Variants in SCAPER observed in about 807,000 individuals in gnomAD.
SCAPER encodes S-phase cyclin A associated protein in the ER.
In SCAPER, 98 loss-of-function variants were observed where a neutral mutation model predicts 182.2. That is an observed-to-expected ratio of 0.54 (90% CI 0.46 to 0.64). The LOEUF (loss-of-function observed/expected upper bound fraction) is 0.64. Ranked by LOEUF, SCAPER falls within the 30% of genes least tolerant of loss-of-function variation. The pLI is 0.00. For missense variants in SCAPER, 1,432 were observed against 1,690.0 expected (o/e 0.85, Z 2.68); for synonymous variants, 605 against 564.6 (o/e 1.07, Z -1.01).
Position 76,381,474 on chromosome 15 carries a change from A to G in SCAPER, c.3609T>C (p.Ser1203=). 1.9e-6 allele frequency: 3 copies of G among 1,613,878 alleles called. No homozygotes were observed. The Admixed American group carries it at 5.0e-5, about 27-fold the overall frequency. Residue 1203 remains serine (S), a synonymous_variant, in exon 28 of 32, where the codon AGT becomes AGC. Coordinates refer to ENST00000563290, the MANE Select transcript of SCAPER (RefSeq NM_020843.4). ...TATTTTGAGTGTAATTCTCCTTGGG[A>G]CTGGCAGTGCTGGGGTCCAAGATGG... ...HGTILDPSTA[S]PKENYTQNTI...
intron 22 of SCAPER, among the ~76,000 whole-genome samples, chr15:76,587,914 T>C (rs777986064): frequency 2.6e-5 from 4 of 151,032 alleles, no homozygotes; most frequent in African/African-American, 7.4e-5. Flanking sequence ...CTTTCTCATT[T>C]CTTTTTCTTT....
intron 5 of SCAPER, among the ~76,000 whole-genome samples, chr15:76,821,396 A>G (rs1477524116): frequency 3.3e-5 from 5 of 152,232 alleles, no homozygotes; most frequent in Admixed American, 3.3e-4. Flanking sequence ...GGGCCGAGAA[A>G]TCACTTGAGC....
At position 76,766,945 on chromosome 15, in the gene SCAPER, A is replaced by C. The variant is rs1368674014; in HGVS notation, c.1392T>G (p.Ile464Met). 1.2e-6 allele frequency: 2 copies of C among 1,604,062 alleles called. No individual in the cohort carries two copies. The highest frequency in any genetic ancestry group is 2.3e-5 in the South Asian group (2 of 88,056). Residue 464 changes from isoleucine (I) to methionine (M), a missense_variant, in exon 11 of 32, where the codon ATT becomes ATG. This residue lies in a region of SCAPER where 128 missense variants were observed against 149.9 expected (regional missense o/e 0.85). Coordinates refer to ENST00000563290, the MANE Select transcript of SCAPER (RefSeq NM_020843.4). The part of the protein sequence containing the change: ...IEAEENNDIN[I>M]ETDNDSDFSA... ...AAAAATCACTGTCGTTGTCAGTTTC[A>C]ATGTTAATATCATTGTTTTCTTCAG...
intron 23 of SCAPER, among the ~76,000 whole-genome samples, chr15:76,512,170 G>A (rs1029715030): frequency 2.0e-5 from 3 of 151,942 alleles, no homozygotes; most frequent in African/African-American, 4.8e-5. Context: ...TTACAGGCGT[G>A]AGCCACCATG....
intron 27 of SCAPER, among the ~76,000 whole-genome samples, chr15:76,383,776 T>A (rs1419546623): frequency 1.3e-5 from 2 of 152,226 alleles, no homozygotes; most frequent in African/African-American, 4.8e-5. Context: ...GACCAAAATA[T>A]CCAGGTCAAA....
At chr15:76,818,439 AAT>A (rs1350223199) in intron 5 of SCAPER, among the ~76,000 whole-genome samples, 4 of 152,236 alleles carry the variant, frequency 2.6e-5, no homozygotes, top group African/African-American at 9.6e-5. Context: ...TGAATGAAAA[AAT>A]TGATAAGCTG....
chr15:76,814,937 T>C lies in SCAPER; in HGVS notation c.394-10304A>G, dbSNP rs2066943223. Among the ~76,000 whole-genome samples the C allele has an allele frequency of 1.3e-5, 2 of 151,854 alleles. 1 individual carries two copies. The stretch of plus-strand genomic sequence containing the variant: ...AATAACAGGAAACAAATAACAGATT[T>C]AAAAATGGGCAAAGAATCTGAAGAA... On this transcript the variant is annotated intron_variant, in intron 5 of 31. Transcript: ENST00000563290.
intron 20 of SCAPER, among the ~76,000 whole-genome samples, chr15:76,682,297 T>C (rs1481905740): frequency 7.6e-6 from 1 of 130,786 alleles, no homozygotes; most frequent in Non-Finnish European, 1.6e-5. Context: ...CGTGTGAGCA[T>C]GCAGACTGCT....
chr15:76,468,722 T>A (rs1004954452), intron 25 of SCAPER, among the ~76,000 whole-genome samples: 24 of 152,176 alleles, frequency 1.6e-4, no homozygotes, highest in South Asian at 6.2e-4. Context: ...TTACTGTATG[T>A]ACTAGGGTCC....
intron 23 of SCAPER, among the ~76,000 whole-genome samples, chr15:76,546,643 CCTCTCTCTCT>C (rs139483801): frequency 2.7e-5 from 4 of 147,786 alleles, no homozygotes; most frequent in African/African-American, 1.0e-4. Context: ...TCTCTCTCTC[CCTCTCTCTCT>C]CTCTGTCTGT....
At chr15:76,814,693 T>A (rs2066927072) in intron 5 of SCAPER, among the ~76,000 whole-genome samples, 1 of 152,098 alleles carries the variant, frequency 6.6e-6, no homozygotes, top group Admixed American at 6.6e-5. Flanking sequence ...TCCTTAATAG[T>A]GACCTCAAGC....
In SCAPER at chr15:76,653,879, G is replaced by A. The variant is rs114910900; in HGVS notation, c.2645+11774C>T. 6.0e-3 allele frequency among the ~76,000 whole-genome samples: 906 copies of A among 152,224 alleles called. 4 individuals are homozygous for A. Among genetic ancestry groups the A allele is most frequent in the African/African-American group, 0.021 (873 of 41,540 alleles). On this transcript the variant is annotated intron_variant, in intron 21 of 31. Transcript: ENST00000563290. The stretch of plus-strand genomic sequence containing the variant: ...AAGTGGGACATAATTAAACTAAAGA[G>A]ATTCTGCACATCAAAATAAACTATC...
chr15:76,750,738 C>T (rs1475286764), intron 15 of SCAPER, among the ~76,000 whole-genome samples: 1 of 151,782 alleles, frequency 6.6e-6, no homozygotes, highest in South Asian at 2.1e-4. Flanking sequence ...AAACTAGGAA[C>T]AGAACAAACT....
chr15:76,561,333 A>G lies in SCAPER; in HGVS notation c.2838+12825T>C, dbSNP rs1347494207. ...CTGGTTCTCAAATATCATTTTCATG[A>G]TATTTCTTACCTATTGTAATAATTG... is the stretch of plus-strand genomic sequence containing the variant. On this transcript the variant is annotated intron_variant, in intron 23 of 31. Transcript: ENST00000563290. Among the ~76,000 whole-genome samples, 5 of 152,156 alleles carry G rather than the reference A, an allele frequency of 3.3e-5. No individual in the cohort carries two copies. The East Asian group carries it at 7.7e-4, about 23-fold the overall frequency.
At chr15:76,609,321 C>T (rs1161953507) in intron 22 of SCAPER, among the ~76,000 whole-genome samples, 1 of 136,224 alleles carries the variant, frequency 7.3e-6, no homozygotes, top group Non-Finnish European at 1.6e-5. Context: ...GAGATCTTTT[C>T]TCTTAAAAAA....
chr15:76,866,111 C>T (rs905116533), intron 2 of SCAPER, among the ~76,000 whole-genome samples: 14 of 152,154 alleles, frequency 9.2e-5, no homozygotes, highest in African/African-American at 1.2e-4. Flanking sequence ...TAGCATTGTT[C>T]TAACCAAGGG....
At chr15:76,529,030 T>G (rs1344356849) in intron 23 of SCAPER, among the ~76,000 whole-genome samples, 2 of 152,256 alleles carry the variant, frequency 1.3e-5, no homozygotes, top group Non-Finnish European at 2.9e-5. Context: ...ACTGGATTTA[T>G]GTGCTCTTAT....
intron 22 of SCAPER, among the ~76,000 whole-genome samples, chr15:76,582,611 T>C (rs2459363): frequency 0.14 from 20,642 of 152,202 alleles, 1,454 homozygotes; most frequent in African/African-American, 0.18. Flanking sequence ...TTAAAACTTA[T>C]ATAAAAGTAC....
intron 27 of SCAPER, among the ~76,000 whole-genome samples, chr15:76,388,097 G>A (rs1302196706): frequency 6.6e-6 from 1 of 152,214 alleles, no homozygotes; most frequent in Non-Finnish European, 1.5e-5. Flanking sequence ...TCAGCACACA[G>A]AGGTATCAAA....
Sources: allele counts gnomAD v4.1 joint callset (sites outside exome capture counted in the v4.1 genomes callset), GRCh38; gene constraint gnomAD v4.1.1; regional missense constraint gnomAD v4.1.1; transcripts MANE v1.5; gene names NCBI Gene and HGNC (gene_info 2026-07-23, HGNC 2026-07-21).